XKRX: variants seen among roughly 807,000 people sequenced by gnomAD.
XKRX encodes XK related X-linked.
In XKRX, 11 loss-of-function variants were observed where a neutral mutation model predicts 22.4. The ratio of observed to expected loss-of-function variants is 0.49; its 90% CI spans 0.31 to 0.81. XKRX has a LOEUF of 0.81. XKRX is among the 40% of genes least tolerant of loss of function. The probability of loss-of-function intolerance (pLI) is 0.05; values close to 1 mark genes in which losing one functional copy is unlikely to be tolerated. For synonymous variants in XKRX, 114 were observed against 132.2 expected, an observed-to-expected ratio of 0.86 and a Z score of 0.94; for missense variants, 320 against 336.5, an observed-to-expected ratio of 0.95 and a Z score of 0.38.
chrX:100,956,666 G>T, the XKRX span: 1 of 549,435 alleles, frequency 1.8e-6, no homozygotes, highest in Non-Finnish European at 3.3e-6. Context: ...ACCCTCTTCC[G>T]CCCTTTTGGA....
the XKRX span, among the ~76,000 whole-genome samples, chrX:100,897,406 G>C: frequency 9.1e-6 from 1 of 109,451 alleles, no homozygotes; most frequent in African/African-American, 3.3e-5. Flanking sequence ...CCAACATAGT[G>C]AAACCTGTCT....
chrX:100,934,397 T>A (rs909945903), upstream of XKRX, among the ~76,000 whole-genome samples: 7 of 111,793 alleles, frequency 6.3e-5, no homozygotes, highest in South Asian at 3.8e-4. Flanking sequence ...CAGTCTTGGA[T>A]GCAAAGGCTT....
chrX:100,937,010 G>C, the XKRX span, among the ~76,000 whole-genome samples: 1 of 69,393 alleles, frequency 1.4e-5, no homozygotes, highest in South Asian at 7.6e-4. Flanking sequence ...TTTTTTTTTT[G>C]AGACAGGGTC....
chrX:100,950,196 A>G, the XKRX span, among the ~76,000 whole-genome samples: 1 of 111,990 alleles, frequency 8.9e-6, no homozygotes, highest in Admixed American at 9.5e-5. Context: ...AGGGGGCTGA[A>G]AAAGTTCTGA....
At chrX:100,951,705 G>A in the XKRX span, among the ~76,000 whole-genome samples, 1 of 111,403 alleles carries the variant, frequency 9.0e-6, no homozygotes, top group African/African-American at 3.3e-5. Context: ...AGAAAAAACA[G>A]AGAAGACACA....
At chrX:100,888,324 C>T in the XKRX span, 1 of 698,348 alleles carries the variant, frequency 1.4e-6, no homozygotes, top group Non-Finnish European at 2.3e-6. Context: ...TCTCTTGAGA[C>T]AGTTCTCCTT....
the XKRX span, among the ~76,000 whole-genome samples, chrX:100,897,593 A>ATGTGTGTGTGTGTGTG: frequency 3.0e-5 from 2 of 66,474 alleles, no homozygotes; most frequent in African/African-American, 6.0e-5. Flanking sequence ...AAATATATAT[A>ATGTGTGTGTGTGTGTG]TGTGTGTGTG....
intron 1 of XKRX, among the ~76,000 whole-genome samples, chrX:100,925,991 T>C (rs962105980): frequency 2.7e-5 from 3 of 111,976 alleles, no homozygotes; most frequent in Non-Finnish European, 3.8e-5. Flanking sequence ...AATTCCAACA[T>C]GGAAACAATG....
chrX:100,954,787 G>A, the XKRX span, among the ~76,000 whole-genome samples: 1 of 112,195 alleles, frequency 8.9e-6, no homozygotes, highest in African/African-American at 3.2e-5. Flanking sequence ...TCAAAACACT[G>A]TTAAGTGAAA....
the XKRX span, among the ~76,000 whole-genome samples, chrX:100,952,555 G>C: frequency 1.8e-5 from 2 of 111,342 alleles, no homozygotes; most frequent in African/African-American, 6.5e-5. Context: ...ATATTGGAAA[G>C]GGAGAAATAA....
At chrX:100,927,443 A>G (rs2085502240) in intron 1 of XKRX, among the ~76,000 whole-genome samples, 1 of 111,274 alleles carries the variant, frequency 9.0e-6, no homozygotes, top group Non-Finnish European at 1.9e-5. Flanking sequence ...AAGTGCTGGG[A>G]TTACAGGCAT....
At position 100,924,005 on chromosome X, in the gene XKRX, G is replaced by GTT. The variant is rs10600680; in HGVS notation, c.336-946_336-945dup. ...GCATGTGCCACCATGTCCGGCTAAG[G>GTT]TTTTTTTTTTTTTTTTTTGTATTTT... On this transcript the variant is annotated intron_variant, in intron 1 of 2. Transcript: ENST00000372956. 7.3e-3 allele frequency among the ~76,000 whole-genome samples: 563 copies of GTT among 77,057 alleles called. 5 individuals are homozygous for GTT. The highest frequency in any genetic ancestry group is 0.014 in the Middle Eastern group (2 of 143). 66.9% of individuals were successfully genotyped at this position (77,057 alleles called of 115,157 possible).
At chrX:100,953,692 T>C in the XKRX span, among the ~76,000 whole-genome samples, 22 of 110,494 alleles carry the variant, frequency 2.0e-4, no homozygotes, top group African/African-American at 7.2e-4. Flanking sequence ...GCGGATCACC[T>C]GAGGTCAGGA....
chrX:100,917,624 GAGAAAGAAAGAAGA>G (rs1351686188), intron 2 of XKRX, among the ~76,000 whole-genome samples: 7 of 55,083 alleles, frequency 1.3e-4, no homozygotes, highest in Non-Finnish European at 2.3e-4. Flanking sequence ...GAGAAAGAAA[GAGAAAGAAAGAAGA>G]AAGAAAGAAA....
At position 100,914,552 on chromosome X, in the gene XKRX, C is replaced by A. The variant is rs926570432; in HGVS notation, c.1136G>T (p.Cys379Phe). The A allele has an allele frequency of 1.2e-5, 15 of 1,210,108 alleles. No homozygotes were observed. Among genetic ancestry groups the A allele is most frequent in the Non-Finnish European group, 1.6e-5 (14 of 895,167 alleles). ...FFGVKVLLNY[C>F]HSLIALQLII... ...GAGCTGCAAGGCAATCAAGGAATGA[C>A]AGTAATTCAGTAACACTTTCACTCC... Residue 379 changes from cysteine (C) to phenylalanine (F), a missense_variant, in exon 3 of 3, where the codon TGT (cysteine) becomes TTT (phenylalanine). Physicochemically the swap from Cys to Phe is radical, Grantham distance 205 (BLOSUM62 -2). Transcript: ENST00000372956.
At chrX:100,958,182 A>G in the XKRX span, among the ~76,000 whole-genome samples, 6 of 112,391 alleles carry the variant, frequency 5.3e-5, no homozygotes, top group Admixed American at 1.9e-4. Context: ...CTATGGCTTG[A>G]TTAAAAATAT....
At chrX:100,908,247 G>A in the XKRX span, among the ~76,000 whole-genome samples, 2 of 109,377 alleles carry the variant, frequency 1.8e-5, no homozygotes, top group Admixed American at 2.0e-4. Context: ...CTCCCAAGTA[G>A]CTGTGAGTAC....
the XKRX span, among the ~76,000 whole-genome samples, chrX:100,941,509 A>G: frequency 1.8e-5 from 2 of 111,354 alleles, no homozygotes; most frequent in Admixed American, 9.5e-5. Context: ...AGATTGCGCT[A>G]TTGCACTCCA....
chrX:100,955,756 T>C, the XKRX span, among the ~76,000 whole-genome samples: 1 of 112,231 alleles, frequency 8.9e-6, no homozygotes, highest in Non-Finnish European at 1.9e-5. Context: ...GCTCTATTTA[T>C]AATTGACAAA....
Sources: allele counts gnomAD v4.1 joint callset (sites outside exome capture counted in the v4.1 genomes callset), GRCh38; gene constraint gnomAD v4.1.1; transcripts MANE v1.5; gene names NCBI Gene and HGNC (gene_info 2026-07-23, HGNC 2026-07-21).